The following CEACAM19 variants were observed in gnomAD, a reference collection of about 807,000 sequenced individuals.
The protein encoded by CEACAM19 is cell adhesion molecule CEACAM19.
Under a neutral mutation model 37.6 loss-of-function variants are expected in CEACAM19, and 37 were observed. That is an observed-to-expected ratio of 0.98 (90% CI 0.76 to 1.29). CEACAM19 has a LOEUF of 1.29. Ranked by LOEUF, CEACAM19 falls within the 50% of genes most tolerant of loss-of-function variation. The pLI, the probability that CEACAM19 is intolerant of heterozygous loss-of-function variation, is 0.00. For synonymous variants in CEACAM19, 140 were observed against 149.8 expected (o/e 0.93, Z 0.48); for missense variants, 340 against 375.6 (o/e 0.91, Z 0.78).
chr19:44,672,112 G>A, intron 1 of CEACAM19, 126 bp downstream of exon 1: 3 of 778,826 alleles, frequency 3.9e-6, no homozygotes, highest in Non-Finnish European at 6.4e-6. Flanking sequence ...ATGGGGGAGG[G>A]GCAACAGAAT....
chr19:44,682,579 C>T lies in CEACAM19; in HGVS notation c.805C>T (p.Pro269Ser). The T allele has an allele frequency of 6.2e-7, 1 of 1,603,296 alleles. No individual in the cohort carries two copies. Among genetic ancestry groups the T allele is most frequent in the Non-Finnish European group, 8.5e-7 (1 of 1,175,164 alleles). ...CCTTCCCTTGCAGCCCCTGCCCACA[C>T]CCCCACACCTGCAGGCGGAGCCAGA... ...SINPARPLPT[P>S]PHLQAEPENH... The change falls in exon 7 of 8, where the codon CCC becomes TCC. Residue 269 changes from proline to serine, a missense_variant. Coordinates refer to ENST00000358777, the MANE Select transcript of CEACAM19 (RefSeq NM_001127893.3).
chr19:44,667,633 A>C (rs1215695285), upstream of CEACAM19, among the ~76,000 whole-genome samples: 1 of 88,276 alleles, frequency 1.1e-5, no homozygotes, highest in African/African-American at 5.2e-5. Context: ...TAAATATATA[A>C]ATATATAATA....
upstream of CEACAM19, among the ~76,000 whole-genome samples, chr19:44,670,379 A>G (rs982600524): frequency 2.6e-5 from 4 of 151,756 alleles, no homozygotes; most frequent in Non-Finnish European, 5.9e-5. Flanking sequence ...AAAAGTACAA[A>G]ACATACACTC....
intron 3 of CEACAM19, 155 bp from the exon 4 acceptor site, chr19:44,678,698 A>AC: frequency 9.5e-7 from 1 of 1,057,412 alleles, no homozygotes; most frequent in South Asian, 1.7e-5. Flanking sequence ...GGCATGAGCC[A>AC]CTGAGCCCAA....
upstream of CEACAM19, among the ~76,000 whole-genome samples, chr19:44,667,861 A>T (rs1420008160): frequency 1.4e-5 from 1 of 70,048 alleles, no homozygotes; most frequent in African/African-American, 6.7e-5. Context: ...ATATATATAA[A>T]TTATATATAA....
At chr19:44,675,097 CGTGTGTGTGTGTGTGTGTGT>C (rs59147604) in intron 2 of CEACAM19, among the ~76,000 whole-genome samples, 1 of 143,800 alleles carries the variant, frequency 7.0e-6, no homozygotes, top group African/African-American at 2.6e-5. Flanking sequence ...CAGAGAACAG[CGTGTGTGTGTGTGTGTGTGT>C]GTGTGTGTGT....
intron 4 of CEACAM19, among the ~76,000 whole-genome samples, chr19:44,679,784 G>C (rs868723157): frequency 6.7e-4 from 100 of 150,202 alleles, no homozygotes; most frequent in African/African-American, 2.4e-3. Flanking sequence ...AATAAAATAA[G>C]CCGAGCATGG....
chr19:44,683,554 A>C lies in CEACAM19; in HGVS notation c.*64A>C. 2 of 1,067,364 alleles carry C rather than the reference A, an allele frequency of 1.9e-6. No individual in the cohort carries two copies. Among genetic ancestry groups the C allele is most frequent in the Non-Finnish European group, 1.3e-6 (1 of 750,902 alleles). The allele number at this position is 1,067,364 out of a possible 1,614,324, so 66.1% of individuals were successfully genotyped here. A position where few individuals can be genotyped will look rare whatever the true frequency, so the allele number is the denominator to read the frequency against. On this transcript the variant is annotated 3_prime_UTR_variant, in exon 8 of 8. Transcript: ENST00000358777. Reference sequence around the variant, plus strand: ...CCCAGCCCTCCTCTGGGAGCCTCACACCTGAGACCAGCAGGACAAGGCCAT... The same window carrying C: ...CCCAGCCCTCCTCTGGGAGCCTCACCCCTGAGACCAGCAGGACAAGGCCAT...
chr19:44,676,522 C>T lies in CEACAM19; in HGVS notation c.575+101C>T, dbSNP rs73565976. 8,341 of 1,212,332 alleles carry T rather than the reference C, an allele frequency of 6.9e-3. 453 individuals carry two copies. In the African/African-American group the frequency reaches 0.11, roughly 16 times the overall value. The allele number at this position is 1,212,332 out of a possible 1,614,324, so 75.1% of individuals were successfully genotyped here. A position where few individuals can be genotyped will look rare whatever the true frequency, so the allele number is the denominator to read the frequency against. ...ACATCATCCGGCTCATACACAATCT[C>T]ATCAAATCTTGGAACTCCTGGGGTG... On this transcript the variant is annotated intron_variant, in intron 3 of 7. Transcript: ENST00000358777.
intron 3 of CEACAM19, chr19:44,677,495 G>A (rs932222143): frequency 6.6e-6 from 1 of 151,860 alleles, no homozygotes; most frequent in Middle Eastern, 3.2e-3. Context: ...TTTCCCCCAG[G>A]GAGAGTCTAT....
At chr19:44,676,910 C>T (rs1351477740) in intron 3 of CEACAM19, among the ~76,000 whole-genome samples, 2 of 152,162 alleles carry the variant, frequency 1.3e-5, no homozygotes, top group African/African-American at 2.4e-5. Context: ...GCCACTGTTC[C>T]CTGCCCAAAA....
chr19:44,679,916 C>T (rs112800120), intron 4 of CEACAM19, among the ~76,000 whole-genome samples: 4,884 of 151,986 alleles, frequency 0.032, 273 homozygotes, highest in African/African-American at 0.11. Context: ...GGCAACAGAG[C>T]GAGACTCTGT....
chr19:44,674,591 C>A (rs527722973), intron 2 of CEACAM19, among the ~76,000 whole-genome samples: 5 of 151,022 alleles, frequency 3.3e-5, no homozygotes, highest in African/African-American at 9.7e-5. Flanking sequence ...TTGGTAGAGA[C>A]TGGGTTTCAC....
At chr19:44,668,038 TTA>T (rs1459073007), upstream of CEACAM19, among the ~76,000 whole-genome samples, 519 of 86,206 alleles carry the variant, frequency 6.0e-3, 15 homozygotes, top group African/African-American at 0.023. Flanking sequence ...TATTATATAT[TTA>T]TATGTTTATG....
chr19:44,671,771 C>G lies in CEACAM19; in HGVS notation c.-161C>G, dbSNP rs1450564811. The G allele has an allele frequency of 1.7e-6, 1 of 596,864 alleles. No homozygotes were observed. The highest frequency in any genetic ancestry group is 3.0e-6 in the Non-Finnish European group (1 of 334,608). The allele number at this position is 596,864 out of a possible 1,614,324, so 37.0% of individuals were successfully genotyped here. A position where few individuals can be genotyped will look rare whatever the true frequency, so the allele number is the denominator to read the frequency against. Reference sequence around the variant, plus strand: ...GGAGTATAGGTGGAGCCTCCAGAGCCCATGGACAGGGCATGCTGGGGCTGG... The same window carrying G: ...GGAGTATAGGTGGAGCCTCCAGAGCGCATGGACAGGGCATGCTGGGGCTGG... On this transcript the variant is annotated 5_prime_UTR_variant, in exon 1 of 8. Transcript: ENST00000358777.
At chr19:44,676,093 G>T (rs1973943004) in intron 2 of CEACAM19, among the ~76,000 whole-genome samples, 178 bp from the exon 3 acceptor site, 1 of 152,068 alleles carries the variant, frequency 6.6e-6, no homozygotes, top group Admixed American at 6.6e-5. Flanking sequence ...TGGATTTTAT[G>T]TGCCACCCAG....
At chr19:44,668,526 TATATA>T (rs1379151241), upstream of CEACAM19, among the ~76,000 whole-genome samples, 1 of 72,188 alleles carries the variant, frequency 1.4e-5, no homozygotes, top group Non-Finnish European at 2.3e-5. Flanking sequence ...ATAATATAAA[TATATA>T]ATATATGTAT....
chr19:44,670,796 A>AC (rs1252591012), upstream of CEACAM19, among the ~76,000 whole-genome samples: 3 of 122,996 alleles, frequency 2.4e-5, no homozygotes, highest in Non-Finnish European at 4.7e-5. Flanking sequence ...AAAAAAAAAA[A>AC]AAAAAAAAAA....
rs950261425 is a variant in CEACAM19 at position 44,672,476 on chromosome 19, G to T, written c.56-120G>T. 3.6e-5 allele frequency: 40 copies of T among 1,118,764 alleles called. No homozygotes were observed. The African/African-American group carries it at 3.9e-4, about 11-fold the overall frequency. 69.3% of individuals were successfully genotyped at this position (1,118,764 alleles called of 1,614,324 possible). ...GACATCACTAATCAATCCCAGCATT[G>T]TTTCCAATGAGCAGCACTCAGAGTC... On this transcript the variant is annotated intron_variant, in intron 1 of 7. Coordinates refer to ENST00000358777, the MANE Select transcript of CEACAM19 (RefSeq NM_001127893.3).
Sources: allele counts gnomAD v4.1 joint callset (sites outside exome capture counted in the v4.1 genomes callset), GRCh38; gene constraint gnomAD v4.1.1; transcripts MANE v1.5; gene names NCBI Gene and HGNC (gene_info 2026-07-23, HGNC 2026-07-21).